PCID2: variants seen among roughly 807,000 people sequenced by gnomAD.
PCID2 encodes PCI domain containing 2.
PCID2 carries 41 observed loss-of-function variants against 61.3 expected under a neutral mutation model. That is an observed-to-expected ratio of 0.67 (90% CI 0.52 to 0.87). The LOEUF (loss-of-function observed/expected upper bound fraction) is 0.87. Among genes scored for constraint, PCID2 ranks in the 40% least tolerant of loss-of-function variants. The pLI is 0.00. For missense variants in PCID2, 392 were observed against 493.4 expected, an observed-to-expected ratio of 0.79 and a Z score of 1.95; for synonymous variants, 187 against 177.8, an observed-to-expected ratio of 1.05 and a Z score of -0.41.
chr13:113,183,633 G>T, intron 9 of PCID2: 1 of 308,358 alleles, frequency 3.2e-6, no homozygotes, highest in Non-Finnish European at 4.8e-6. Context: ...AAGTTATGTT[G>T]CTTCATGTAC....
In PCID2 at chr13:113,179,485, T is replaced by C. The variant is rs2037419013; in HGVS notation, c.987-396A>G. Among the ~76,000 whole-genome samples, 1 of 152,082 alleles carries C rather than the reference T, an allele frequency of 6.6e-6. No individual in the cohort carries two copies. Among genetic ancestry groups the C allele is most frequent in the Non-Finnish European group, 1.5e-5 (1 of 68,024 alleles). On this transcript the variant is annotated intron_variant, in intron 12 of 13. Coordinates refer to ENST00000337344, the MANE Select transcript of PCID2 (RefSeq NM_001127202.4). This position sits in a 1 kb window ranked among gnomAD's most constrained non-coding sequence, Gnocchi z 4.3. ...TTGCCTGAAGTTTACACAACTGAGATCCTGCTGGGACGAGGCCTCAGAAGA... is the reference window on the plus strand; with the variant it reads ...TTGCCTGAAGTTTACACAACTGAGACCCTGCTGGGACGAGGCCTCAGAAGA...
At chr13:113,172,348 T>A in the PCID2 span, 1 of 554,230 alleles carries the variant, frequency 1.8e-6, no homozygotes, top group Admixed American at 3.1e-5. Context: ...ATGAGATACG[T>A]TAAATAATAA....
At chr13:113,208,078 T>C (rs753403694) in intron 1 of PCID2, 22 of 1,612,648 alleles carry the variant, frequency 1.4e-5, no homozygotes, top group Admixed American at 1.7e-5. Flanking sequence ...GAAGTGTGCA[T>C]TGTGCTCGGA....
chr13:113,194,490 T>C (rs1338296894), intron 6 of PCID2, among the ~76,000 whole-genome samples: 1 of 152,164 alleles, frequency 6.6e-6, no homozygotes, highest in Non-Finnish European at 1.5e-5. Context: ...TTTTAACTGT[T>C]TCTAGCAGGC....
the PCID2 span, among the ~76,000 whole-genome samples, chr13:113,168,188 A>G: frequency 2.6e-5 from 4 of 152,338 alleles, no homozygotes; most frequent in Non-Finnish European, 5.9e-5. Flanking sequence ...AAGAATAAGG[A>G]AAAAAACCTT....
At chr13:113,201,674 T>TG (rs2039439547) in intron 1 of PCID2, among the ~76,000 whole-genome samples, 1 of 151,202 alleles carries the variant, frequency 6.6e-6, no homozygotes, top group Admixed American at 6.6e-5. Context: ...TAGCCGGGTG[T>TG]GGTGGTGGGC....
At chr13:113,186,220 G>A (rs977449881) in intron 7 of PCID2, 3 of 152,516 alleles carry the variant, frequency 2.0e-5, no homozygotes, top group African/African-American at 7.2e-5. Flanking sequence ...ACAGCTGAAA[G>A]GGCCTGCCCC....
intron 7 of PCID2, chr13:113,186,953 A>G (rs1039018481): frequency 6.6e-6 from 1 of 152,392 alleles, no homozygotes; most frequent in East Asian, 1.9e-4. Context: ...AAATGTGTCC[A>G]TATAGAAACA....
chr13:113,181,360 A>ATCATCCCAGTT lies in PCID2; in HGVS notation c.686-141_686-131dup. The ATCATCCCAGTT allele has an allele frequency of 5.1e-6, 3 of 592,336 alleles. No individual in the cohort carries two copies. The South Asian group carries it at 6.3e-5, about 12-fold the overall frequency. 36.7% of individuals were successfully genotyped at this position (592,336 alleles called of 1,614,324 possible). A position where few individuals can be genotyped will look rare whatever the true frequency, so the allele number is the denominator to read the frequency against. On this transcript the variant is annotated intron_variant, in intron 9 of 13. Transcript: ENST00000337344. Reference sequence around the variant, plus strand: ...CCCTCCCTTTATTATCTCAAAAAATATCATCCCAGTTTCATTTCTGTGATC... The same window carrying ATCATCCCAGTT: ...CCCTCCCTTTATTATCTCAAAAAATATCATCCCAGTTTCATCCCAGTTTCATTTCTGTGATC...
intron 1 of PCID2, among the ~76,000 whole-genome samples, chr13:113,203,029 G>T (rs1243328997): frequency 6.6e-6 from 1 of 152,230 alleles, no homozygotes; most frequent in Non-Finnish European, 1.5e-5. Context: ...TCACTGAGTA[G>T]AATGTTGTTG....
chr13:113,182,011 G>T (rs1465474630), intron 9 of PCID2, among the ~76,000 whole-genome samples: 1 of 152,186 alleles, frequency 6.6e-6, no homozygotes, highest in African/African-American at 2.4e-5. Context: ...AAGAGAAGAG[G>T]CTTCACTAAG....
intron 9 of PCID2, 55 bp downstream of exon 9, chr13:113,184,291 G>T: frequency 7.0e-7 from 1 of 1,434,268 alleles, no homozygotes; most frequent in Non-Finnish European, 9.8e-7. Context: ...ATTCAAAGTT[G>T]TTCAGAATGC....
At chr13:113,208,569 G>A (rs1414005456) in intron 1 of PCID2, 30 bp downstream of exon 1, 1 of 1,604,350 alleles carries the variant, frequency 6.2e-7, no homozygotes, top group South Asian at 1.1e-5. Context: ...GGCCAACCAC[G>A]CCGCCGCGCG....
chr13:113,166,186 T>C, the PCID2 span: 2 of 152,216 alleles, frequency 1.3e-5, no homozygotes. Flanking sequence ...TAATTTAAAA[T>C]TTTCTAGTAG....
intron 13 of PCID2, 116 bp downstream of exon 13, chr13:113,178,850 T>C: frequency 3.1e-6 from 3 of 980,948 alleles, no homozygotes; most frequent in East Asian, 5.2e-5. Flanking sequence ...ATTAGTTCTA[T>C]CAAAAAAAAA....
intron 7 of PCID2, 92 bp downstream of exon 7, chr13:113,190,780 T>G (rs988002209): frequency 3.3e-6 from 2 of 597,998 alleles, no homozygotes; most frequent in Non-Finnish European, 5.8e-6. Flanking sequence ...ATGAAATATG[T>G]GTCAACAATA....
chr13:113,180,298 A>C (rs953025791), intron 10 of PCID2, 67 bp from the exon 11 acceptor site: 3 of 1,204,554 alleles, frequency 2.5e-6, no homozygotes, highest in Non-Finnish European at 3.7e-6. Flanking sequence ...ATAAATATTC[A>C]TATCAAGGAA....
chr13:113,183,778 G>A (rs1354832709), intron 9 of PCID2: 1 of 984,584 alleles, frequency 1.0e-6, no homozygotes, highest in East Asian at 1.1e-4. Flanking sequence ...CTGTTCTTGA[G>A]AAAGTTACCA....
At chr13:113,184,629 A>T (rs1454419486) in intron 8 of PCID2, 142 bp from the exon 9 acceptor site, 16 of 610,872 alleles carry the variant, frequency 2.6e-5, no homozygotes, top group Non-Finnish European at 4.6e-5. Flanking sequence ...AAACCAAAAC[A>T]GAGAGCAGCC....
Sources: allele counts gnomAD v4.1 joint callset (sites outside exome capture counted in the v4.1 genomes callset), GRCh38; gene constraint gnomAD v4.1.1; non-coding constraint Gnocchi (gnomAD v3.1); transcripts MANE v1.5; gene names NCBI Gene and HGNC (gene_info 2026-07-23, HGNC 2026-07-21).